The following NEXMIF variants were observed in gnomAD, a reference collection of about 807,000 sequenced individuals.
NEXMIF encodes the protein XLMR protein related to neurite extension.
Under a neutral mutation model 62.1 loss-of-function variants are expected in NEXMIF, and 8 were observed. That is an observed-to-expected ratio of 0.13 (90% CI 0.08 to 0.23). The LOEUF is 0.23. NEXMIF is among the 10% of genes least tolerant of loss of function. The pLI is 1.00. For missense variants in NEXMIF, 976 were observed against 1,113.3 expected, an observed-to-expected ratio of 0.88 and a Z score of 1.75; for synonymous variants, 404 against 416.6, an observed-to-expected ratio of 0.97 and a Z score of 0.37.
At position 74,740,125 on chromosome X, in the gene NEXMIF, C is replaced by A; in HGVS notation, c.4432G>T (p.Gly1478Trp). 1 of 1,210,739 alleles carries A rather than the reference C, an allele frequency of 8.3e-7. No homozygotes were observed. Among genetic ancestry groups the A allele is most frequent in the Non-Finnish European group, 1.1e-6 (1 of 895,069 alleles). The change falls in exon 3 of 4, where the codon GGG (glycine) becomes TGG (tryptophan). Residue 1478 changes from glycine to tryptophan, a missense_variant. Gly to Trp is a radical substitution (Grantham distance 184, BLOSUM62 -2). Transcript: ENST00000055682. Reference sequence around the variant, plus strand: ...CTCAGTTTTTCAAAAGAAGCTGTCCCAGACTCATCCTTGTGGACCTGTTCT... The same window carrying A: ...CTCAGTTTTTCAAAAGAAGCTGTCCAAGACTCATCCTTGTGGACCTGTTCT... Reference protein sequence around the residue: ...EREQVHKDESGTASFEKLRDS... With the variant: ...EREQVHKDESWTASFEKLRDS...
rs1453642819 is a variant in NEXMIF at position 74,744,967 on chromosome X, CT to C, written c.80-491del. Among the ~76,000 whole-genome samples the C allele has an allele frequency of 5.2e-5, 5 of 95,879 alleles. No homozygotes were observed. In the East Asian group the frequency reaches 1.2e-3, roughly 23 times the overall value. 83.3% of individuals were successfully genotyped at this position (95,879 alleles called of 115,157 possible). A position where few individuals can be genotyped will look rare whatever the true frequency, so the allele number is the denominator to read the frequency against. ...TCTCTCTCTTCTCTCTCCTCCCTCT[CT>C]CTCCCTCTCTCCCTCTCTCTCTTTC... On this transcript the variant is annotated intron_variant, in intron 2 of 3. Transcript: ENST00000055682.
intron 1 of NEXMIF, among the ~76,000 whole-genome samples, chrX:74,762,298 C>A (rs1331307094): frequency 6.3e-5 from 7 of 111,054 alleles, no homozygotes; most frequent in Admixed American, 9.6e-5. Flanking sequence ...TGAACTCATC[C>A]TTTTTTATGG....
intron 1 of NEXMIF, among the ~76,000 whole-genome samples, chrX:74,863,016 A>G (rs778699157): frequency 1.3e-4 from 14 of 110,354 alleles, no homozygotes; most frequent in Non-Finnish European, 2.7e-4. Context: ...ACAAAAAAAT[A>G]CAAAACTTAG....
At chrX:74,813,983 G>A (rs1156565386) in intron 1 of NEXMIF, among the ~76,000 whole-genome samples, 1 of 111,677 alleles carries the variant, frequency 9.0e-6, no homozygotes, top group African/African-American at 3.3e-5. Context: ...TATCATATCA[G>A]TCATGGATAC....
At chrX:74,794,508 T>A (rs965713437) in intron 1 of NEXMIF, among the ~76,000 whole-genome samples, 1 of 112,051 alleles carries the variant, frequency 8.9e-6, no homozygotes, top group Admixed American at 9.4e-5. Flanking sequence ...CTCCACCCAG[T>A]TCGAGCTTCC....
intron 1 of NEXMIF, among the ~76,000 whole-genome samples, chrX:74,854,959 G>C (rs1039884031): frequency 1.6e-4 from 18 of 111,726 alleles, no homozygotes; most frequent in African/African-American, 5.2e-4. Context: ...TCATGGATCA[G>C]AAAAATTAAT....
At chrX:74,819,373 G>T (rs2080386885) in intron 1 of NEXMIF, among the ~76,000 whole-genome samples, 1 of 111,707 alleles carries the variant, frequency 9.0e-6, no homozygotes, top group Non-Finnish European at 1.9e-5. Context: ...CACGGCAAAA[G>T]AAACTATCAT....
At chrX:74,875,262 T>C (rs1448564671) in intron 1 of NEXMIF, among the ~76,000 whole-genome samples, 1 of 104,950 alleles carries the variant, frequency 9.5e-6, no homozygotes, top group Non-Finnish European at 1.9e-5. Context: ...CATGTGGTTT[T>C]TGTCTTTGGT....
chrX:74,881,825 C>G (rs780387207), intron 1 of NEXMIF, among the ~76,000 whole-genome samples: 91 of 112,046 alleles, frequency 8.1e-4, no homozygotes, highest in Non-Finnish European at 1.4e-3. Flanking sequence ...AGCAGTGCTT[C>G]TAGTACACAG....
intron 1 of NEXMIF, among the ~76,000 whole-genome samples, chrX:74,796,330 C>G (rs1451719089): frequency 1.2e-5 from 1 of 84,394 alleles, no homozygotes; most frequent in African/African-American, 4.6e-5. Flanking sequence ...TGGATAGACA[C>G]ACAAATGATT....
intron 1 of NEXMIF, among the ~76,000 whole-genome samples, chrX:74,843,883 CTGTG>C (rs962784369): frequency 8.9e-6 from 1 of 112,037 alleles, no homozygotes; most frequent in Admixed American, 9.4e-5. Context: ...TGACACTGGT[CTGTG>C]TGTTTAAGTG....
At chrX:74,791,812 T>A (rs1396072791) in intron 1 of NEXMIF, among the ~76,000 whole-genome samples, 1 of 110,765 alleles carries the variant, frequency 9.0e-6, no homozygotes, top group East Asian at 2.8e-4. Context: ...TTCTGTGGGA[T>A]CAGTGGTGAT....
chrX:74,872,198 C>T (rs995335682), intron 1 of NEXMIF, among the ~76,000 whole-genome samples: 2 of 110,821 alleles, frequency 1.8e-5, no homozygotes. Flanking sequence ...CCTGACTTCC[C>T]GCAACAAAAA....
intron 1 of NEXMIF, among the ~76,000 whole-genome samples, chrX:74,788,981 T>A (rs999588659): frequency 1.8e-5 from 2 of 110,600 alleles, no homozygotes; most frequent in South Asian, 3.8e-4. Context: ...TATTTATTTT[T>A]ATTTTTTATT....
rs1466147547 is a variant in NEXMIF at position 74,743,878 on chromosome X, A to T, written c.679T>A (p.Leu227Met). ...RRETEKPDID[L>M]EDPAQKSYYE... ...TAGCTTTTCTGAGCCGGATCCTCCAAGTCAATGTCAGGTTTCTCAGTTTCT... is the reference window on the plus strand; with the variant it reads ...TAGCTTTTCTGAGCCGGATCCTCCATGTCAATGTCAGGTTTCTCAGTTTCT... Residue 227 changes from leucine (L) to methionine (M), a missense_variant, in exon 3 of 4, where the codon TTG (leucine) becomes ATG (methionine). Leu to Met is a conservative substitution (Grantham distance 15). Transcript: ENST00000055682. 11 of 1,209,655 alleles carry T rather than the reference A, an allele frequency of 9.1e-6. No individual in the cohort carries two copies. The highest frequency in any genetic ancestry group is 1.8e-5 in the African/African-American group (1 of 57,104).
chrX:74,884,014 T>G (rs1282905670), intron 1 of NEXMIF, among the ~76,000 whole-genome samples: 4 of 111,979 alleles, frequency 3.6e-5, no homozygotes, highest in Non-Finnish European at 7.5e-5. Context: ...AGAAAAGAAT[T>G]TTCAACCCAG....
intron 1 of NEXMIF, among the ~76,000 whole-genome samples, chrX:74,746,445 A>G (rs2080126361): frequency 1.8e-5 from 2 of 111,107 alleles, no homozygotes; most frequent in Middle Eastern, 4.2e-3. Context: ...CCTGAGTGGT[A>G]TTTATGTGCA....
chrX:74,821,505 T>C (rs1228924986), intron 1 of NEXMIF, among the ~76,000 whole-genome samples: 1 of 111,917 alleles, frequency 8.9e-6, no homozygotes, highest in East Asian at 2.8e-4. Flanking sequence ...TCTTTAGCAC[T>C]ATCAGGTTTT....
intron 1 of NEXMIF, among the ~76,000 whole-genome samples, chrX:74,875,243 T>G (rs1162048278): frequency 3.6e-5 from 4 of 109,925 alleles, no homozygotes; most frequent in African/African-American, 1.4e-4. Flanking sequence ...CTGCATCTAT[T>G]GAGATAATCA....
Sources: gnomAD v4.1 joint callset for allele counts (sites outside exome capture counted in the v4.1 genomes callset) on GRCh38, gnomAD v4.1.1 for gene constraint, MANE v1.5 for transcripts, NCBI Gene and HGNC (gene_info 2026-07-23, HGNC 2026-07-21) for gene names.